CNTN5: variants seen among roughly 807,000 people sequenced by gnomAD.
CNTN5 encodes contactin 5, also known as contactin-5.
In CNTN5, 77 loss-of-function variants were observed where a neutral mutation model predicts 129.1. That is an observed-to-expected ratio of 0.60 (90% CI 0.50 to 0.72). The LOEUF (loss-of-function observed/expected upper bound fraction) is 0.72. Among genes scored for constraint, CNTN5 ranks in the 30% least tolerant of loss-of-function variants. The pLI is 0.00. For synonymous variants in CNTN5, 509 were observed against 465.6 expected (o/e 1.09, Z -1.20); for missense variants, 1,478 against 1,328.8 (o/e 1.11, Z -1.75).
At chr11:99,675,839 G>C (rs1953256318) in intron 3 of CNTN5, among the ~76,000 whole-genome samples, 1 of 152,104 alleles carries the variant, frequency 6.6e-6, no homozygotes, top group South Asian at 2.1e-4. Flanking sequence ...AAGTAGTTGT[G>C]TTACCTTAGT....
chr11:99,508,250 T>C (rs1341917654), intron 2 of CNTN5, among the ~76,000 whole-genome samples: 4 of 152,212 alleles, frequency 2.6e-5, no homozygotes, highest in African/African-American at 9.7e-5. Context: ...TCTGAGTAAT[T>C]AATTTGTATA....
intron 2 of CNTN5, among the ~76,000 whole-genome samples, chr11:99,493,129 C>T (rs1278372378): frequency 2.0e-5 from 3 of 152,176 alleles, no homozygotes; most frequent in Admixed American, 6.5e-5. Flanking sequence ...TGAACCCCAT[C>T]GCTTTGTTTG....
At chr11:100,293,695 G>A (rs200383062) in intron 18 of CNTN5, among the ~76,000 whole-genome samples, 1 of 151,638 alleles carries the variant, frequency 6.6e-6, no homozygotes, top group Non-Finnish European at 1.5e-5. Context: ...GCAATTAGAG[G>A]GGTAGAACTA....
chr11:99,478,960 G>A (rs1945485072), intron 2 of CNTN5, among the ~76,000 whole-genome samples: 1 of 152,002 alleles, frequency 6.6e-6, no homozygotes, highest in African/African-American at 2.4e-5. Context: ...TTTAAATTGT[G>A]TTTGGGATTT....
At chr11:100,018,706 C>T (rs556834054) in intron 9 of CNTN5, among the ~76,000 whole-genome samples, 6 of 151,782 alleles carry the variant, frequency 4.0e-5, no homozygotes, top group Non-Finnish European at 5.9e-5. Context: ...AATGGCTAAA[C>T]GATATGGTAG....
intron 13 of CNTN5, among the ~76,000 whole-genome samples, chr11:100,118,921 C>T (rs1376786389): frequency 6.6e-6 from 1 of 151,398 alleles, no homozygotes; most frequent in Non-Finnish European, 1.5e-5. Flanking sequence ...CATTGTTTAC[C>T]TAGAAAAAAG....
chr11:99,311,964 A>G (rs1865132685), intron 1 of CNTN5, among the ~76,000 whole-genome samples: 1 of 152,108 alleles, frequency 6.6e-6, no homozygotes, highest in Non-Finnish European at 1.5e-5. Context: ...CTCCTAAGCT[A>G]CTACCTCTGA....
intron 3 of CNTN5, among the ~76,000 whole-genome samples, chr11:99,567,106 C>T (rs1949030075): frequency 6.6e-6 from 1 of 151,876 alleles, no homozygotes; most frequent in Admixed American, 6.6e-5. Flanking sequence ...TTTTTCTTCT[C>T]AATAGGGATG....
At chr11:99,703,899 AT>A (rs1328280665) in intron 3 of CNTN5, among the ~76,000 whole-genome samples, 1 of 151,090 alleles carries the variant, frequency 6.6e-6, no homozygotes, top group African/African-American at 2.4e-5. Flanking sequence ...AATGTATGAT[AT>A]ATAAGAAATG....
intron 3 of CNTN5, among the ~76,000 whole-genome samples, chr11:99,580,586 C>T (rs1014242001): frequency 6.6e-6 from 1 of 152,126 alleles, no homozygotes; most frequent in Non-Finnish European, 1.5e-5. Context: ...GGAATTTATC[C>T]ATTTCTTCTA....
Position 100,276,550 on chromosome 11 carries a change from AAAGG to A in CNTN5, c.2314+5312_2314+5315del, listed in dbSNP as rs1270818877. 4.8e-3 allele frequency among the ~76,000 whole-genome samples: 647 copies of A among 134,996 alleles called. 3 individuals are homozygous for A. Among genetic ancestry groups the A allele is most frequent in the Non-Finnish European group, 7.5e-3 (481 of 64,146 alleles). 88.6% of individuals were successfully genotyped at this position (134,996 alleles called of 152,430 possible). Reference sequence around the variant, plus strand: ...CTCAAAAAAAAAAAAAAAAAAAAAAAAAGGAAAGAAACACTCTTGATAGTCAGCA... The same window carrying A: ...CTCAAAAAAAAAAAAAAAAAAAAAAAAAAGAAACACTCTTGATAGTCAGCA... On this transcript the variant is annotated intron_variant, in intron 18 of 24. Coordinates refer to ENST00000524871, the MANE Select transcript of CNTN5 (RefSeq NM_014361.4).
intron 7 of CNTN5, among the ~76,000 whole-genome samples, chr11:99,932,142 G>GAAATGTTT (rs1950206679): frequency 6.6e-6 from 1 of 151,964 alleles, no homozygotes; most frequent in Non-Finnish European, 1.5e-5. Flanking sequence ...TCCAGTGCCA[G>GAAATGTTT]AAATGCTTAC....
chr11:99,352,622 C>T (rs950937021), intron 2 of CNTN5, among the ~76,000 whole-genome samples: 3 of 152,160 alleles, frequency 2.0e-5, no homozygotes, highest in African/African-American at 4.8e-5. Context: ...ACCCAGTCTT[C>T]CTTACTTTCC....
At chr11:100,000,888 G>T (rs879621366) in intron 8 of CNTN5, among the ~76,000 whole-genome samples, 1 of 152,330 alleles carries the variant, frequency 6.6e-6, no homozygotes, top group Admixed American at 6.5e-5. Flanking sequence ...TGAGCTGTAT[G>T]TTGACCCCTT....
At chr11:100,193,388 T>C in intron 14 of CNTN5, 100 bp from the exon 15 acceptor site, 1 of 722,768 alleles carries the variant, frequency 1.4e-6, no homozygotes, top group Non-Finnish European at 2.2e-6. Context: ...AGCAACTGTA[T>C]TGTATAGATT....
chr11:99,035,409 C>T (rs1043960092), intron 1 of CNTN5, among the ~76,000 whole-genome samples: 1 of 152,026 alleles, frequency 6.6e-6, no homozygotes, highest in Non-Finnish European at 1.5e-5. Flanking sequence ...GAGTCTAAGT[C>T]TCTTTGTAGG....
At chr11:99,616,832 C>G (rs116506049) in intron 3 of CNTN5, among the ~76,000 whole-genome samples, 10,565 of 152,266 alleles carry the variant, frequency 0.069, 414 homozygotes, top group East Asian at 0.11. Context: ...CAATTATGGC[C>G]TGGTGCAGTG....
chr11:99,853,715 A>G (rs1947947745), intron 6 of CNTN5, among the ~76,000 whole-genome samples: 1 of 152,120 alleles, frequency 6.6e-6, no homozygotes, highest in African/African-American at 2.4e-5. Context: ...TAATAGTAAA[A>G]TTTATTGAAC....
chr11:99,539,423 C>A (rs1266173623), intron 2 of CNTN5, among the ~76,000 whole-genome samples: 1 of 151,906 alleles, frequency 6.6e-6, no homozygotes, highest in East Asian at 1.9e-4. Context: ...GTGATCTATT[C>A]CCTAAATCCT....
Sources: allele counts gnomAD v4.1 joint callset (sites outside exome capture counted in the v4.1 genomes callset), GRCh38; gene constraint gnomAD v4.1.1; transcripts MANE v1.5; gene names NCBI Gene and HGNC (gene_info 2026-07-23, HGNC 2026-07-21).